LRRFIP2: variants seen among roughly 807,000 people sequenced by gnomAD.
LRRFIP2 encodes leucine-rich repeat flightless-interacting protein 2.
In LRRFIP2, 109 loss-of-function variants were observed where a neutral mutation model predicts 125.9. The ratio of observed to expected loss-of-function variants is 0.87; its 90% CI spans 0.74 to 1.01. The LOEUF (loss-of-function observed/expected upper bound fraction) is 1.01. Ranked by LOEUF, LRRFIP2 falls within the 50% of genes least tolerant of loss-of-function variation. The pLI is 0.00. For synonymous variants in LRRFIP2, 291 were observed against 293.1 expected (o/e 0.99, Z 0.07); for missense variants, 850 against 862.3 (o/e 0.99, Z 0.18).
chr3:37,109,642 A>G lies in LRRFIP2; in HGVS notation c.564+11T>C. On this transcript the variant is annotated intron_variant, in intron 10 of 27. Transcript: ENST00000336686. ...GCTCTAAAGGCAGAACATTCCTCAG[A>G]AAGTACTAACCCTGTCACTCTTATA... 1 of 1,614,092 alleles carries G rather than the reference A, an allele frequency of 6.2e-7. No individual in the cohort carries two copies. Among genetic ancestry groups the G allele is most frequent in the Admixed American group, 1.7e-5 (1 of 60,030 alleles).
At chr3:37,088,950 T>C (rs559871756) in intron 18 of LRRFIP2, among the ~76,000 whole-genome samples, 2 of 152,194 alleles carry the variant, frequency 1.3e-5, no homozygotes, top group East Asian at 3.9e-4. Context: ...CAAGTGCTAT[T>C]GGTTTGGTAG....
At chr3:37,108,018 G>C in intron 13 of LRRFIP2, 55 bp downstream of exon 13, 1 of 1,426,060 alleles carries the variant, frequency 7.0e-7, no homozygotes, top group Non-Finnish European at 9.9e-7. Context: ...AGTGAGTACA[G>C]ATTAACGCAA....
intron 21 of LRRFIP2, among the ~76,000 whole-genome samples, chr3:37,069,701 G>A (rs1295927591): frequency 6.6e-6 from 1 of 152,032 alleles, no homozygotes; most frequent in East Asian, 1.9e-4. Context: ...TAGTTAAAAT[G>A]GTAAATTTTA....
At chr3:37,108,018 G>T in intron 13 of LRRFIP2, 55 bp downstream of exon 13, 2 of 1,426,058 alleles carry the variant, frequency 1.4e-6, no homozygotes, top group Non-Finnish European at 2.0e-6. Flanking sequence ...AGTGAGTACA[G>T]ATTAACGCAA....
chr3:37,105,713 A>G (rs1181663741), intron 13 of LRRFIP2, among the ~76,000 whole-genome samples, 190 bp from the exon 14 acceptor site: 3 of 152,216 alleles, frequency 2.0e-5, no homozygotes, highest in Non-Finnish European at 4.4e-5. Flanking sequence ...TGTTATTAAA[A>G]ATCAGGAGAC....
intron 2 of LRRFIP2, among the ~76,000 whole-genome samples, chr3:37,141,360 A>G (rs1355683400): frequency 6.6e-6 from 1 of 152,046 alleles, no homozygotes; most frequent in Non-Finnish European, 1.5e-5. Flanking sequence ...CCTCCCTAAC[A>G]TCACCTCCTC....
intron 15 of LRRFIP2, among the ~76,000 whole-genome samples, chr3:37,097,583 C>T (rs2093788880): frequency 6.6e-6 from 1 of 152,156 alleles, no homozygotes; most frequent in African/African-American, 2.4e-5. Context: ...CCCATCTATA[C>T]TAATAGACTT....
In LRRFIP2 at chr3:37,054,480, T is replaced by G; in HGVS notation, c.1986A>C (p.Lys662Asn). The change falls in exon 27 of 28, where the codon AAA (lysine) becomes AAC (asparagine). Residue 662 changes from lysine to asparagine, a missense_variant. Transcript: ENST00000336686. ...SRLEGQVLRYKTAAENAEKVE... is the reference protein window; with the variant it reads ...SRLEGQVLRYNTAAENAEKVE... ...CTTTCTCAGCATTCTCAGCAGCAGT[T>G]TTATATCTCAGAACCTGTCCCTCAA... is the stretch of plus-strand genomic sequence containing the variant. 6.2e-7 allele frequency: 1 copy of G among 1,614,078 alleles called. No homozygotes were observed.
intron 2 of LRRFIP2, among the ~76,000 whole-genome samples, chr3:37,139,630 C>A (rs2095641588): frequency 6.6e-6 from 1 of 152,100 alleles, no homozygotes; most frequent in African/African-American, 2.4e-5. Flanking sequence ...GAAAGTCAAA[C>A]CCTCCCAAGC....
chr3:37,139,212 A>G (rs547353026), intron 2 of LRRFIP2, among the ~76,000 whole-genome samples: 24 of 152,354 alleles, frequency 1.6e-4, no homozygotes, highest in African/African-American at 4.6e-4. Flanking sequence ...GTGGTCAAAC[A>G]TAAGTAACTG....
In LRRFIP2 at chr3:37,110,795, G is replaced by C. The variant is rs1033446782; in HGVS notation, c.513+196C>G. Among the ~76,000 whole-genome samples, 4 of 152,082 alleles carry C rather than the reference G, an allele frequency of 2.6e-5. No homozygotes were observed. In the East Asian group the frequency reaches 7.7e-4, roughly 29 times the overall value. On this transcript the variant is annotated intron_variant, in intron 9 of 27. Transcript: ENST00000336686. ...ATTTAAAAATGTCTTTAATGGTACT[G>C]ATTTATAAACATGATGACTGAATAG... is the stretch of plus-strand genomic sequence containing the variant.
In LRRFIP2 at chr3:37,108,140, T is replaced by C. The variant is rs769387857; in HGVS notation, c.658-11A>G. On this transcript the variant is annotated splice_polypyrimidine_tract_variant and intron_variant, in intron 12 of 27. Coordinates refer to ENST00000336686, the MANE Select transcript of LRRFIP2 (RefSeq NM_006309.4). ...ACTGCATTCAGATGGCTATAAAGTT[T>C]CCAAGAAGAAAGGTTTTACAACAAT... 1.2e-6 allele frequency: 2 copies of C among 1,610,646 alleles called. No homozygotes were observed. The highest frequency in any genetic ancestry group is 2.2e-5 in the South Asian group (2 of 91,016).
intron 7 of LRRFIP2, 27 bp from the exon 8 acceptor site, chr3:37,113,007 T>G (rs769806895): frequency 1.5e-6 from 2 of 1,329,282 alleles, no homozygotes; most frequent in African/African-American, 2.9e-5. Context: ...CAAGTTAACT[T>G]CAATGATTGC....
At chr3:37,078,763 G>A (rs75226990) in intron 19 of LRRFIP2, among the ~76,000 whole-genome samples, 5,984 of 152,064 alleles carry the variant, frequency 0.039, 194 homozygotes, top group African/African-American at 0.088. Context: ...CCAGGTCTGG[G>A]GCAGAAAATG....
In LRRFIP2 at chr3:37,111,079, A is replaced by T. The variant is rs753260377; in HGVS notation, c.439-14T>A. ...GTAGAGGCCACTCTGCAAAAAGCAA[A>T]ATTAAACACATTTTTCTTAGGCTAA... On this transcript the variant is annotated splice_polypyrimidine_tract_variant and intron_variant, in intron 8 of 27. Coordinates refer to ENST00000336686, the MANE Select transcript of LRRFIP2 (RefSeq NM_006309.4). 1 of 1,609,364 alleles carries T rather than the reference A, an allele frequency of 6.2e-7. No individual in the cohort carries two copies. Among genetic ancestry groups the T allele is most frequent in the Admixed American group, 1.7e-5 (1 of 59,874 alleles).
At position 37,119,971 on chromosome 3, in the gene LRRFIP2, T is replaced by C. The variant is rs959030861; in HGVS notation, c.330+1521A>G. On this transcript the variant is annotated intron_variant, in intron 6 of 27. Transcript: ENST00000336686. ...GCCACCGCTCCCGGCCTTTTCAAAA[T>C]ATTTAAAGAGAAAAAAACAAAGTAC... Among the ~76,000 whole-genome samples, 3 of 151,000 alleles carry C rather than the reference T, an allele frequency of 2.0e-5. No individual in the cohort carries two copies. In the South Asian group the frequency reaches 6.3e-4, roughly 32 times the overall value.
At chr3:37,078,054 G>T (rs2092281763) in intron 19 of LRRFIP2, among the ~76,000 whole-genome samples, 4 of 152,016 alleles carry the variant, frequency 2.6e-5, no homozygotes, top group Admixed American at 2.6e-4. Context: ...AGTTTTGAAA[G>T]ATAAAAAATT....
intron 1 of LRRFIP2, among the ~76,000 whole-genome samples, chr3:37,171,754 T>C (rs977581583): frequency 2.0e-5 from 3 of 152,332 alleles, no homozygotes; most frequent in South Asian, 2.1e-4. Context: ...CTTTCCTGAC[T>C]AATAATATAG....
At chr3:37,159,626 C>T (rs1028376147) in intron 1 of LRRFIP2, among the ~76,000 whole-genome samples, 1 of 152,030 alleles carries the variant, frequency 6.6e-6, no homozygotes, top group Non-Finnish European at 1.5e-5. Context: ...CCTACCTCAG[C>T]CTCCTGAATA....
Sources: allele counts gnomAD v4.1 joint callset (sites outside exome capture counted in the v4.1 genomes callset), GRCh38; gene constraint gnomAD v4.1.1; transcripts MANE v1.5; gene names NCBI Gene and HGNC (gene_info 2026-07-23, HGNC 2026-07-21).